Variants in CYB5A observed in about 807,000 individuals in gnomAD.
CYB5A encodes the protein cytochrome b5 type A, also known as cytochrome b5.
In CYB5A, 10 loss-of-function variants were observed where a neutral mutation model predicts 16.2. The observed-to-expected ratio is 0.62, with a 90% CI of 0.38 to 1.04. The LOEUF is 1.04. Among genes scored for constraint, CYB5A ranks in the 50% least tolerant of loss-of-function variants. The pLI is 0.01. For missense variants in CYB5A, 161 were observed against 165.9 expected (o/e 0.97, Z 0.16); for synonymous variants, 62 against 57.0 (o/e 1.09, Z -0.40).
rs542933086 is a variant in CYB5A at position 74,287,436 on chromosome 18, C to T, written c.129+4311G>A. On this transcript the variant is annotated intron_variant, in intron 1 of 4. Coordinates refer to ENST00000340533, the MANE Select transcript of CYB5A (RefSeq NM_148923.4). ...CCCAAGCCTTAGAACCACTGGTCTA[C>T]GCAACATAGGCAGCCATGTTCAATG... Among the ~76,000 whole-genome samples, 16 of 152,274 alleles carry T rather than the reference C, an allele frequency of 1.1e-4. No individual in the cohort carries two copies. The East Asian group carries it at 2.3e-3, about 22-fold the overall frequency.
At chr18:74,263,654 A>G (rs2032265) in intron 1 of CYB5A, among the ~76,000 whole-genome samples, 177 bp from the exon 2 acceptor site, 129,059 of 152,150 alleles carry the variant, frequency 0.85, 55,038 homozygotes, top group East Asian at 0.97. Context: ...TTCCATTTCC[A>G]TCATGCAAGT....
intron 2 of CYB5A, 71 bp downstream of exon 2, chr18:74,263,278 C>G (rs1427883324): frequency 3.1e-6 from 5 of 1,599,842 alleles, no homozygotes; most frequent in Non-Finnish European, 4.3e-6. Context: ...TACATGCAAG[C>G]TTACAGACTA....
chr18:74,290,457 C>T (rs1305811080), intron 1 of CYB5A, among the ~76,000 whole-genome samples: 2 of 151,646 alleles, frequency 1.3e-5, no homozygotes, highest in Middle Eastern at 3.4e-3. Flanking sequence ...GTTGGTCAAG[C>T]TGGTCTCGAA....
At chr18:74,279,686 C>T (rs985390402) in intron 1 of CYB5A, among the ~76,000 whole-genome samples, 3 of 152,050 alleles carry the variant, frequency 2.0e-5, no homozygotes, top group Non-Finnish European at 2.9e-5. Flanking sequence ...AATAACTAGG[C>T]CTCTCTTTCA....
At chr18:74,273,969 C>G (rs1021362804) in intron 1 of CYB5A, among the ~76,000 whole-genome samples, 2 of 152,234 alleles carry the variant, frequency 1.3e-5, no homozygotes, top group Admixed American at 6.5e-5. Flanking sequence ...TCACATGGCA[C>G]AGCCAATCCC....
intron 1 of CYB5A, among the ~76,000 whole-genome samples, chr18:74,289,246 TCA>T (rs1315211540): frequency 5.9e-5 from 9 of 152,194 alleles, no homozygotes; most frequent in Admixed American, 6.5e-5. Flanking sequence ...CTCTCATCTC[TCA>T]GTTTTTCTCG....
chr18:74,261,299 G>A (rs921137341), intron 2 of CYB5A: 13 of 328,184 alleles, frequency 4.0e-5, no homozygotes, highest in African/African-American at 2.1e-4. Context: ...TTCCATTTGA[G>A]ATTGTGCATG....
At chr18:74,256,763 A>C (rs1200543745) in intron 3 of CYB5A, 5 of 1,453,288 alleles carry the variant, frequency 3.4e-6, no homozygotes, top group Non-Finnish European at 4.8e-6. Context: ...CACGTTAGAG[A>C]AACTCCCGTG....
chr18:74,274,869 G>A (rs1315654433), intron 1 of CYB5A, among the ~76,000 whole-genome samples: 1 of 152,204 alleles, frequency 6.6e-6, no homozygotes, highest in African/African-American at 2.4e-5. Flanking sequence ...AAGGTTAATA[G>A]TCTGGCTCAA....
At chr18:74,280,407 C>CA (rs149442312) in intron 1 of CYB5A, among the ~76,000 whole-genome samples, 11,238 of 83,762 alleles carry the variant, frequency 0.13, 822 homozygotes, top group East Asian at 0.44. Flanking sequence ...CCTGTCTCTA[C>CA]AAAAAAAAAA....
Position 74,253,549 on chromosome 18 carries a change from G to C in CYB5A, c.*35C>G, listed in dbSNP as rs770584359. Reference sequence around the variant, plus strand: ...TGGCTTCTTTTCTCCCGTGTCCAAAGCAGGCTCTTCCTGCGCTGACTTCTG... The same window carrying C: ...TGGCTTCTTTTCTCCCGTGTCCAAACCAGGCTCTTCCTGCGCTGACTTCTG... On this transcript the variant is annotated 3_prime_UTR_variant, in exon 5 of 5. Transcript: ENST00000340533. The C allele has an allele frequency of 7.0e-7, 1 of 1,431,944 alleles. No individual in the cohort carries two copies. Among genetic ancestry groups the C allele is most frequent in the East Asian group, 2.3e-5 (1 of 43,872 alleles). The allele number at this position is 1,431,944 out of a possible 1,614,324, so 88.7% of individuals were successfully genotyped here.
chr18:74,262,546 G>C (rs1169832667), intron 2 of CYB5A, among the ~76,000 whole-genome samples: 1 of 152,110 alleles, frequency 6.6e-6, no homozygotes, highest in Non-Finnish European at 1.5e-5. Context: ...TATTCTCGAA[G>C]GTCTGGGGTA....
chr18:74,279,237 A>T (rs1265780585), intron 1 of CYB5A, among the ~76,000 whole-genome samples: 2 of 152,246 alleles, frequency 1.3e-5, no homozygotes, highest in Non-Finnish European at 2.9e-5. Flanking sequence ...TGGCCAAAAG[A>T]TGAGACAAGG....
At chr18:74,265,204 T>A (rs963710453) in intron 1 of CYB5A, among the ~76,000 whole-genome samples, 2 of 152,204 alleles carry the variant, frequency 1.3e-5, no homozygotes, top group South Asian at 4.1e-4. Flanking sequence ...GCTAAGGACA[T>A]CCACTCTTTT....
In CYB5A at chr18:74,250,938, CG is replaced by C. The variant is rs1341746350; in HGVS notation, c.*2645del. On this transcript the variant is annotated 3_prime_UTR_variant, in exon 5 of 5. Transcript: ENST00000340533. Reference sequence around the variant, plus strand: ...ATTCCAGCACTTTGCGAGCCTGAGGCGGGTGGATTGCCTGAGGTCAGGAGTT... The same window carrying C: ...ATTCCAGCACTTTGCGAGCCTGAGGCGGTGGATTGCCTGAGGTCAGGAGTT... 1 of 152,050 alleles carries C rather than the reference CG, an allele frequency of 6.6e-6. No individual in the cohort carries two copies. The highest frequency in any genetic ancestry group is 1.5e-5 in the Non-Finnish European group (1 of 68,046). 9.4% of individuals were successfully genotyped at this position (152,050 alleles called of 1,614,324 possible). A position where few individuals can be genotyped will look rare whatever the true frequency, so the allele number is the denominator to read the frequency against.
intron 1 of CYB5A, among the ~76,000 whole-genome samples, chr18:74,266,599 C>T (rs899980601): frequency 6.6e-6 from 1 of 151,962 alleles, no homozygotes. Context: ...TGGGGTAATT[C>T]CACAGTCTTA....
At chr18:74,281,159 C>T (rs1393533539) in intron 1 of CYB5A, among the ~76,000 whole-genome samples, 1 of 152,148 alleles carries the variant, frequency 6.6e-6, no homozygotes, top group African/African-American at 2.4e-5. Context: ...GCACAACCCC[C>T]AGGCTTTTGG....
chr18:74,260,943 T>C lies in CYB5A; in HGVS notation c.260A>G (p.Asp87Gly). 1.2e-6 allele frequency: 2 copies of C among 1,611,744 alleles called. No individual in the cohort carries two copies. Among genetic ancestry groups the C allele is most frequent in the Non-Finnish European group, 1.7e-6 (2 of 1,177,894 alleles). ...AGGCTTGTTTAACTTTGGTCTGTCATCCTGCAATGAAAAGATAAGGCACAT... is the reference window on the plus strand; with the variant it reads ...AGGCTTGTTTAACTTTGGTCTGTCACCCTGCAATGAAAAGATAAGGCACAT... Reference protein sequence around the residue: ...KTFIIGELHPDDRPKLNKPPE... With the variant: ...KTFIIGELHPGDRPKLNKPPE... Residue 87 changes from aspartate (D) to glycine (G), a missense_variant and splice_region_variant, in exon 3 of 5, where the codon GAT becomes GGT. Coordinates refer to ENST00000340533, the MANE Select transcript of CYB5A (RefSeq NM_148923.4).
At chr18:74,266,103 C>A (rs1982422657) in intron 1 of CYB5A, among the ~76,000 whole-genome samples, 1 of 152,212 alleles carries the variant, frequency 6.6e-6, no homozygotes, top group African/African-American at 2.4e-5. Flanking sequence ...CTTAAACAGG[C>A]ATGGGAATGC....
Sources: gnomAD v4.1 joint callset for allele counts (sites outside exome capture counted in the v4.1 genomes callset) on GRCh38, gnomAD v4.1.1 for gene constraint, MANE v1.5 for transcripts, NCBI Gene and HGNC (gene_info 2026-07-23, HGNC 2026-07-21) for gene names.